MAP7: variants seen among roughly 807,000 people sequenced by gnomAD.
MAP7 encodes the protein microtubule associated protein 7, also known as ensconsin.
In MAP7, 52 loss-of-function variants were observed where a neutral mutation model predicts 94.8. The observed-to-expected ratio is 0.55, with a 90% CI of 0.44 to 0.69. The LOEUF is 0.69. Ranked by LOEUF, MAP7 falls within the 30% of genes least tolerant of loss-of-function variation. MAP7 has a pLI of 0.00. For synonymous variants in MAP7, 350 were observed against 357.0 expected (o/e 0.98, Z 0.22); for missense variants, 940 against 964.6 (o/e 0.97, Z 0.34).
chr6:136,498,486 C>G (rs1364738020), intron 1 of MAP7, among the ~76,000 whole-genome samples: 6 of 151,986 alleles, frequency 3.9e-5, no homozygotes, highest in Admixed American at 3.9e-4. Flanking sequence ...GACGCTGGTT[C>G]TAAAATGAAA....
At chr6:136,426,522 T>C (rs1178668801) in intron 1 of MAP7, among the ~76,000 whole-genome samples, 1 of 152,106 alleles carries the variant, frequency 6.6e-6, no homozygotes, top group Non-Finnish European at 1.5e-5. Flanking sequence ...ATGATATAGA[T>C]AGTGTTACAG....
intron 1 of MAP7, among the ~76,000 whole-genome samples, chr6:136,511,219 T>C (rs753988692): frequency 1.3e-5 from 2 of 152,150 alleles, no homozygotes; most frequent in Non-Finnish European, 2.9e-5. Context: ...TGTTATGGTA[T>C]TCTAAACTAC....
intron 1 of MAP7, among the ~76,000 whole-genome samples, chr6:136,489,476 A>G (rs1473551143): frequency 2.0e-5 from 3 of 149,234 alleles, no homozygotes; most frequent in Non-Finnish European, 4.4e-5. Flanking sequence ...TGGCAACAAT[A>G]TACTCTAGGA....
At chr6:136,491,635 TCTC>T (rs1387398215) in intron 1 of MAP7, among the ~76,000 whole-genome samples, 1 of 152,134 alleles carries the variant, frequency 6.6e-6, no homozygotes, top group Admixed American at 6.5e-5. Context: ...TACTATAATC[TCTC>T]CTATCTTATT....
At chr6:136,360,623 G>C (rs1286747050) in intron 13 of MAP7, 74 bp downstream of exon 13, 39 of 1,332,972 alleles carry the variant, frequency 2.9e-5, no homozygotes, top group Admixed American at 9.0e-5. Context: ...CGCGTTTTCT[G>C]ACGGCCAGGG....
At chr6:136,520,972 G>A (rs1826247640) in intron 1 of MAP7, among the ~76,000 whole-genome samples, 1 of 152,088 alleles carries the variant, frequency 6.6e-6, no homozygotes, top group Non-Finnish European at 1.5e-5. Flanking sequence ...TTAGGTCAGG[G>A]GTCACAAAAG....
intron 1 of MAP7, among the ~76,000 whole-genome samples, chr6:136,532,370 A>G (rs750446986): frequency 6.6e-6 from 1 of 152,224 alleles, no homozygotes; most frequent in African/African-American, 2.4e-5. Context: ...CTAGGCCATA[A>G]CATAGGAGAC....
At position 136,499,389 on chromosome 6, in the gene MAP7, G is replaced by A. The variant is rs753357998; in HGVS notation, c.67+50953C>T. ...TCCTAACTAATATGGGGCTTCATGC[G>A]ATAACCCCAAGGTAAGTACTGTTAT... On this transcript the variant is annotated intron_variant, in intron 1 of 17. Transcript: ENST00000354570. Among the ~76,000 whole-genome samples the A allele has an allele frequency of 4.9e-4, 75 of 152,170 alleles. 2 individuals are homozygous for A. The Middle Eastern group carries it at 0.01, about 21-fold the overall frequency.
chr6:136,377,478 C>T (rs990758541), intron 7 of MAP7, among the ~76,000 whole-genome samples: 1 of 152,212 alleles, frequency 6.6e-6, no homozygotes, highest in African/African-American at 2.4e-5. Context: ...GGAAGGAATA[C>T]TTTCTTCGGG....
chr6:136,546,905 C>T (rs1829780965), intron 1 of MAP7, among the ~76,000 whole-genome samples: 1 of 152,108 alleles, frequency 6.6e-6, no homozygotes, highest in East Asian at 1.9e-4. Context: ...ACAAGCCTAT[C>T]AATATTACAT....
intron 1 of MAP7, among the ~76,000 whole-genome samples, chr6:136,503,249 G>A (rs1216860257): frequency 1.3e-5 from 2 of 152,066 alleles, no homozygotes; most frequent in Non-Finnish European, 2.9e-5. Context: ...AACTTTTTAT[G>A]TACTTTGCTT....
intron 10 of MAP7, 86 bp from the exon 11 acceptor site, chr6:136,362,788 C>T: frequency 6.7e-7 from 1 of 1,493,236 alleles, no homozygotes; most frequent in Non-Finnish European, 8.9e-7. Context: ...CATCCAAGGC[C>T]TAGAATTTAC....
intron 2 of MAP7, among the ~76,000 whole-genome samples, chr6:136,416,191 T>C (rs1239517973): frequency 6.6e-6 from 1 of 152,212 alleles, no homozygotes; most frequent in Non-Finnish European, 1.5e-5. Flanking sequence ...ATTTGTTGAA[T>C]GAATGAATGA....
chr6:136,418,072 G>T lies in MAP7; in HGVS notation c.166+3629C>A, dbSNP rs73780214. Among the ~76,000 whole-genome samples the T allele has an allele frequency of 6.0e-3, 917 of 152,342 alleles. 8 individuals are homozygous for T. The highest frequency in any genetic ancestry group is 0.021 in the African/African-American group (876 of 41,578). ...CTTCAGGAACTAGCAGACGTGGACAGATGTGTAACTTTACAAACTGTCTGT... is the reference window on the plus strand; with the variant it reads ...CTTCAGGAACTAGCAGACGTGGACATATGTGTAACTTTACAAACTGTCTGT... On this transcript the variant is annotated intron_variant, in intron 2 of 17. Coordinates refer to ENST00000354570, the MANE Select transcript of MAP7 (RefSeq NM_003980.6).
At chr6:136,433,146 T>G (rs1221100622) in intron 1 of MAP7, among the ~76,000 whole-genome samples, 1 of 152,202 alleles carries the variant, frequency 6.6e-6, no homozygotes, top group Admixed American at 6.5e-5. Flanking sequence ...AAAAAAACTA[T>G]GTATAAATAT....
At chr6:136,416,265 G>A (rs1430633857) in intron 2 of MAP7, among the ~76,000 whole-genome samples, 2 of 152,180 alleles carry the variant, frequency 1.3e-5, no homozygotes, top group South Asian at 2.1e-4. Context: ...ATGCACCAAT[G>A]GGGAAAACTA....
intron 1 of MAP7, among the ~76,000 whole-genome samples, chr6:136,457,308 T>TAA (rs561280865): frequency 2.1e-5 from 3 of 139,810 alleles, no homozygotes; most frequent in East Asian, 2.1e-4. Context: ...AATCAGGAAT[T>TAA]AAAAAAAAAA....
At chr6:136,353,271 A>G (rs918207383) in intron 16 of MAP7, among the ~76,000 whole-genome samples, 1 of 152,234 alleles carries the variant, frequency 6.6e-6, no homozygotes, top group African/African-American at 2.4e-5. Flanking sequence ...AAGCATACTG[A>G]TATCAGGTAG....
intron 1 of MAP7, among the ~76,000 whole-genome samples, chr6:136,440,748 G>GATAT (rs1797600114): frequency 6.6e-6 from 1 of 151,276 alleles, no homozygotes; most frequent in Non-Finnish European, 1.5e-5. Flanking sequence ...GAGGTCCAAG[G>GATAT]ATATAATACT....
Sources: gnomAD v4.1 joint callset for allele counts (sites outside exome capture counted in the v4.1 genomes callset) on GRCh38, gnomAD v4.1.1 for gene constraint, MANE v1.5 for transcripts, NCBI Gene and HGNC (gene_info 2026-07-23, HGNC 2026-07-21) for gene names.